ANO6: variants seen among roughly 807,000 people sequenced by gnomAD.
ANO6 encodes anoctamin-6.
In ANO6, 106 loss-of-function variants were observed where a neutral mutation model predicts 117.5. The ratio of observed to expected loss-of-function variants is 0.90; its 90% CI spans 0.77 to 1.06. ANO6 has a LOEUF of 1.06. Ranked by LOEUF, ANO6 falls within the 50% of genes least tolerant of loss-of-function variation. The pLI, the probability that ANO6 is intolerant of heterozygous loss-of-function variation, is 0.00. For synonymous variants in ANO6, 367 were observed against 385.1 expected (o/e 0.95, Z 0.55); for missense variants, 955 against 1,121.1 (o/e 0.85, Z 2.12).
At chr12:45,419,390 A>ATAAT (rs1943299351) in intron 17 of ANO6, among the ~76,000 whole-genome samples, 1 of 152,242 alleles carries the variant, frequency 6.6e-6, no homozygotes, top group South Asian at 2.1e-4. Context: ...GAGTTAAATG[A>ATAAT]TAATAGCAAA....
rs142411513 is a variant in ANO6, at chr12:45,241,384, A to G, written c.70+24993A>G. On this transcript the variant is annotated intron_variant, in intron 1 of 19. Coordinates refer to ENST00000320560, the MANE Select transcript of ANO6 (RefSeq NM_001025356.3). ...GCATGCGTCACAAAGTTCTCATACC[A>G]TGGTTTTCGGCTCCATCAGGTCATT... is the stretch of plus-strand genomic sequence containing the variant. Among the ~76,000 whole-genome samples, 213 of 152,256 alleles carry G rather than the reference A, an allele frequency of 1.4e-3. 1 individual carries two copies. Among genetic ancestry groups the G allele is most frequent in the African/African-American group, 4.9e-3 (205 of 41,554 alleles).
chr12:45,235,662 T>A (rs1947634152), intron 1 of ANO6, among the ~76,000 whole-genome samples: 1 of 152,206 alleles, frequency 6.6e-6, no homozygotes. Context: ...TTCTTCAGTA[T>A]GGAAAATGGA....
At chr12:45,239,848 A>C (rs1035270328) in intron 1 of ANO6, among the ~76,000 whole-genome samples, 8 of 152,154 alleles carry the variant, frequency 5.3e-5, no homozygotes, top group Non-Finnish European at 8.8e-5. Flanking sequence ...TGAGTTTCTT[A>C]ATCCTGAGTT....
At chr12:45,270,562 CCTT>C in intron 1 of ANO6, 1 of 665,360 alleles carries the variant, frequency 1.5e-6, no homozygotes, top group Non-Finnish European at 2.4e-6. Flanking sequence ...CAGCATCCTT[CCTT>C]CTTTTTCCCC....
chr12:45,391,906 G>C (rs1192959795), intron 12 of ANO6, among the ~76,000 whole-genome samples: 1 of 151,622 alleles, frequency 6.6e-6, no homozygotes, highest in Non-Finnish European at 1.5e-5. Context: ...AATAGGAACA[G>C]CTCCCATCTG....
intron 19 of ANO6, among the ~76,000 whole-genome samples, 176 bp downstream of exon 19, chr12:45,423,238 C>T (rs1475655360): frequency 6.6e-6 from 1 of 152,146 alleles, no homozygotes; most frequent in African/African-American, 2.4e-5. Flanking sequence ...TTAACGAGAG[C>T]ATTATCTGCT....
At chr12:45,327,567 G>C (rs1449391343) in intron 2 of ANO6, among the ~76,000 whole-genome samples, 1 of 152,146 alleles carries the variant, frequency 6.6e-6, no homozygotes, top group Non-Finnish European at 1.5e-5. Context: ...TTATATTGCA[G>C]CTATTACACA....
chr12:45,423,199 C>G, intron 19 of ANO6, 137 bp downstream of exon 19: 1 of 721,190 alleles, frequency 1.4e-6, no homozygotes, highest in South Asian at 1.6e-5. Context: ...ATATGTTAAT[C>G]AGTATTGACC....
chr12:45,402,507 T>G (rs944500384), intron 13 of ANO6, among the ~76,000 whole-genome samples: 2 of 152,212 alleles, frequency 1.3e-5, no homozygotes, highest in African/African-American at 2.4e-5. Context: ...GGCAGCTGTT[T>G]AGTGGCCAAG....
intron 1 of ANO6, among the ~76,000 whole-genome samples, chr12:45,273,027 T>G (rs1399721): frequency 1.3e-5 from 2 of 152,042 alleles, no homozygotes; most frequent in Non-Finnish European, 2.9e-5. Flanking sequence ...ACCTGGGAGA[T>G]GTTATGCTAA....
chr12:45,356,326 T>C (rs1401749126), intron 7 of ANO6, among the ~76,000 whole-genome samples: 1 of 152,020 alleles, frequency 6.6e-6, no homozygotes, highest in Non-Finnish European at 1.5e-5. Context: ...CACTACAAAT[T>C]AGTGGTTTTT....
chr12:45,385,080 G>C (rs1401401315), intron 10 of ANO6, among the ~76,000 whole-genome samples: 1 of 152,220 alleles, frequency 6.6e-6, no homozygotes, highest in East Asian at 1.9e-4. Context: ...CCTTCAGTTT[G>C]TTCATTCAGT....
intron 2 of ANO6, among the ~76,000 whole-genome samples, chr12:45,308,190 G>GA (rs1592945004): frequency 6.6e-6 from 1 of 150,786 alleles, no homozygotes; most frequent in African/African-American, 2.4e-5. Context: ...AGTAGGGAGA[G>GA]AAAATCTGAT....
At chr12:45,392,072 G>T (rs2081592) in intron 12 of ANO6, among the ~76,000 whole-genome samples, 7,391 of 152,224 alleles carry the variant, frequency 0.049, 329 homozygotes, top group African/African-American at 0.11. Flanking sequence ...GAAGCACAAG[G>T]GGTCGGGCGA....
chr12:45,386,420 T>G (rs1202014352), intron 10 of ANO6, among the ~76,000 whole-genome samples: 1 of 152,206 alleles, frequency 6.6e-6, no homozygotes, highest in Non-Finnish European at 1.5e-5. Flanking sequence ...TTAAGACACT[T>G]CCTATTTCCA....
intron 1 of ANO6, among the ~76,000 whole-genome samples, chr12:45,244,403 TGG>T (rs59579814): frequency 0.025 from 1,786 of 72,304 alleles, 57 homozygotes; most frequent in African/African-American, 0.071. Flanking sequence ...CTTCTCTATT[TGG>T]GGGGGGGGGG....
At chr12:45,270,200 G>A (rs1938349455) in intron 1 of ANO6, among the ~76,000 whole-genome samples, 1 of 152,184 alleles carries the variant, frequency 6.6e-6, no homozygotes, top group Non-Finnish European at 1.5e-5. Flanking sequence ...CACCTGAAAC[G>A]ACCTTTCAGA....
intron 2 of ANO6, among the ~76,000 whole-genome samples, chr12:45,324,403 A>G (rs1317690167): frequency 6.6e-6 from 1 of 152,220 alleles, no homozygotes; most frequent in Non-Finnish European, 1.5e-5. Flanking sequence ...AGGAATCGTC[A>G]CAATCCTTTG....
At chr12:45,264,930 A>G (rs754445677) in intron 1 of ANO6, among the ~76,000 whole-genome samples, 4 of 152,184 alleles carry the variant, frequency 2.6e-5, no homozygotes, top group Non-Finnish European at 5.9e-5. Context: ...GTGCAGTTGG[A>G]AAAATCCTGT....
Sources: allele counts gnomAD v4.1 joint callset (sites outside exome capture counted in the v4.1 genomes callset), GRCh38; gene constraint gnomAD v4.1.1; transcripts MANE v1.5; gene names NCBI Gene and HGNC (gene_info 2026-07-23, HGNC 2026-07-21).